CFTR: variants seen among roughly 807,000 people sequenced by gnomAD.
CFTR encodes the protein CF transmembrane conductance regulator.
A neutral mutation model predicts 171.6 loss-of-function variants in CFTR; 181 were observed. The ratio of observed to expected loss-of-function variants is 1.05; its 90% confidence interval spans 0.93 to 1.19. CFTR has a LOEUF of 1.19. Among genes scored for constraint, CFTR ranks in the 50% most tolerant of loss-of-function variants. CFTR has a pLI of 0.00. For synonymous variants in CFTR, 583 were observed against 608.0 expected (o/e 0.96, Z 0.60); for missense variants, 1,968 against 1,734.7 (o/e 1.13, Z -2.39).
chr7:117,481,130 C>G (rs539635241), intron 1 of CFTR, among the ~76,000 whole-genome samples: 1 of 152,330 alleles, frequency 6.6e-6, no homozygotes, highest in African/African-American at 2.4e-5. Flanking sequence ...TTTCACATCT[C>G]TCTTATGTTT....
chr7:117,611,561 T>C lies in CFTR; in HGVS notation c.3140-20T>C, dbSNP rs761479822. 1.4e-6 allele frequency: 2 copies of C among 1,395,262 alleles called. No individual in the cohort carries two copies. Among genetic ancestry groups the C allele is most frequent in the East Asian group, 2.3e-5 (1 of 43,752 alleles). The allele number at this position is 1,395,262 out of a possible 1,614,324, so 86.4% of individuals were successfully genotyped here. A position where few individuals can be genotyped will look rare whatever the true frequency, so the allele number is the denominator to read the frequency against. ...TGTGTTTATGTTATTTGCAATGTTT[T>C]CTATGGAAATATTTCACAGGCAGGA... is the stretch of plus-strand genomic sequence containing the variant. On this transcript the variant is annotated intron_variant, in intron 19 of 26. Transcript: ENST00000003084.
intron 22 of CFTR, among the ~76,000 whole-genome samples, chr7:117,636,335 C>T (rs903190592): frequency 1.3e-5 from 2 of 151,916 alleles, no homozygotes; most frequent in African/African-American, 2.4e-5. Context: ...CATGATATGC[C>T]TTTCTTTTTG....
At chr7:117,484,384 G>A (rs989317223) in intron 1 of CFTR, among the ~76,000 whole-genome samples, 1 of 152,162 alleles carries the variant, frequency 6.6e-6, no homozygotes, top group Admixed American at 6.5e-5. Context: ...CATCAATGAG[G>A]ACAGCCCAGG....
chr7:117,529,932 A>G (rs1056767692), intron 3 of CFTR, among the ~76,000 whole-genome samples: 1 of 152,156 alleles, frequency 6.6e-6, no homozygotes, highest in Non-Finnish European at 1.5e-5. Flanking sequence ...AAATCGTTAT[A>G]AAACAAAATG....
At chr7:117,503,334 T>G (rs1361375511) in intron 1 of CFTR, among the ~76,000 whole-genome samples, 1 of 152,210 alleles carries the variant, frequency 6.6e-6, no homozygotes, top group East Asian at 1.9e-4. Flanking sequence ...TAAATCCCAG[T>G]TCAATTCCTT....
intron 1 of CFTR, among the ~76,000 whole-genome samples, chr7:117,492,139 C>T (rs961541503): frequency 6.6e-6 from 1 of 151,704 alleles, no homozygotes; most frequent in African/African-American, 2.4e-5. Flanking sequence ...AGGATGAAGG[C>T]CAAACTTAGG....
intron 11 of CFTR, among the ~76,000 whole-genome samples, chr7:117,561,329 C>T (rs998348816): frequency 2.6e-5 from 4 of 151,610 alleles, no homozygotes; most frequent in African/African-American, 7.3e-5. Context: ...TCTGATTGCA[C>T]GGGCAGCCTT....
chr7:117,652,950 A>T lies in CFTR; in HGVS notation c.3963+19A>T. The T allele has an allele frequency of 6.8e-7, 1 of 1,479,120 alleles. No individual in the cohort carries two copies. The highest frequency in any genetic ancestry group is 1.1e-5 in the South Asian group (1 of 88,414). 91.6% of individuals were successfully genotyped at this position (1,479,120 alleles called of 1,614,324 possible). ...AGATGAGGTAAGGCTGCTAACTGAA[A>T]TGATTTTGAAAGGGGTAACTCATAC... On this transcript the variant is annotated intron_variant, in intron 24 of 26. Transcript: ENST00000003084.
intron 24 of CFTR, among the ~76,000 whole-genome samples, chr7:117,661,858 A>G (rs1793292472): frequency 1.3e-5 from 2 of 152,100 alleles, no homozygotes; most frequent in African/African-American, 2.4e-5. Flanking sequence ...GAGATAAATG[A>G]GACTTAAAAT....
intron 21 of CFTR, among the ~76,000 whole-genome samples, chr7:117,623,148 G>A (rs1443220549): frequency 2.0e-5 from 3 of 152,134 alleles, no homozygotes; most frequent in South Asian, 2.1e-4. Context: ...ATATACAGAG[G>A]TCTGCACAAC....
chr7:117,610,711 A>C, intron 19 of CFTR, 42 bp downstream of exon 19: 13 of 1,605,022 alleles, frequency 8.1e-6, no homozygotes, highest in Non-Finnish European at 1.1e-5. Context: ...TAAAAAAGCT[A>C]TAAGAGCTAT....
Position 117,480,079 on chromosome 7 carries a change from C to A in CFTR, c.-16C>A. On this transcript the variant is annotated 5_prime_UTR_variant, in exon 1 of 27. Coordinates refer to ENST00000003084, the MANE Select transcript of CFTR (RefSeq NM_000492.4). ...GCCCAGACGGCCCTAGCAGGGACCC[C>A]AGCGCCCGAGAGACCATGCAGAGGT... 1 of 1,613,794 alleles carries A rather than the reference C, an allele frequency of 6.2e-7. No homozygotes were observed. The highest frequency in any genetic ancestry group is 8.5e-7 in the Non-Finnish European group (1 of 1,179,886).
intron 10 of CFTR, among the ~76,000 whole-genome samples, chr7:117,558,498 G>A (rs1799398404): frequency 2.6e-5 from 4 of 151,842 alleles, no homozygotes; most frequent in Admixed American, 1.3e-4. Context: ...AACTTGCAGT[G>A]AGCCGAGATC....
intron 18 of CFTR, 71 bp from the exon 19 acceptor site, chr7:117,610,448 C>A: frequency 1.3e-5 from 16 of 1,238,142 alleles, no homozygotes; most frequent in Middle Eastern, 2.0e-4. Context: ...AGAAATAAAT[C>A]ACTGACACAC....
At chr7:117,556,388 A>T (rs920539411) in intron 10 of CFTR, among the ~76,000 whole-genome samples, 2 of 152,012 alleles carry the variant, frequency 1.3e-5, no homozygotes, top group African/African-American at 4.8e-5. Context: ...ACCCAATAAA[A>T]AAAATTTGGA....
chr7:117,504,126 C>T, intron 1 of CFTR, 127 bp from the exon 2 acceptor site: 1 of 704,604 alleles, frequency 1.4e-6, no homozygotes, highest in Non-Finnish European at 2.6e-6. Flanking sequence ...TAGAAATTGA[C>T]TTATTTTATT....
chr7:117,587,851 G>T lies in CFTR; in HGVS notation c.1679+18G>T, dbSNP rs369294289. The T allele has an allele frequency of 7.1e-7, 1 of 1,401,340 alleles. No homozygotes were observed. Among genetic ancestry groups the T allele is most frequent in the Admixed American group, 1.7e-5 (1 of 59,544 alleles). 86.8% of individuals were successfully genotyped at this position (1,401,340 alleles called of 1,614,324 possible). ...TTAGCAAGGTGAATAACTAATTATT[G>T]GTCTAGCAAGCATTTGCTGTAAATG... On this transcript the variant is annotated intron_variant, in intron 12 of 26. Coordinates refer to ENST00000003084, the MANE Select transcript of CFTR (RefSeq NM_000492.4).
At position 117,649,497 on chromosome 7, in the gene CFTR, GTATATATA is replaced by G. The variant is rs755073383; in HGVS notation, c.3874-3329_3874-3322del. 2.2e-5 allele frequency among the ~76,000 whole-genome samples: 3 copies of G among 139,370 alleles called. No homozygotes were observed. In the Admixed American group the frequency reaches 2.2e-4, roughly 10 times the overall value. The allele number at this position is 139,370 out of a possible 152,430, so 91.4% of individuals were successfully genotyped here. A position where few individuals can be genotyped will look rare whatever the true frequency, so the allele number is the denominator to read the frequency against. ...ACATATATATATAGTGTGTGTGTGT[GTATATATA>G]TATATATATATATATTTTTTTTTTC... On this transcript the variant is annotated intron_variant, in intron 23 of 26. Transcript: ENST00000003084.
intron 2 of CFTR, among the ~76,000 whole-genome samples, chr7:117,507,830 C>T (rs988095550): frequency 3.3e-5 from 5 of 152,282 alleles, no homozygotes; most frequent in African/African-American, 9.6e-5. Flanking sequence ...CTCGCTGTGT[C>T]ACCCAGGCTG....
Sources: gnomAD v4.1 joint callset for allele counts (sites outside exome capture counted in the v4.1 genomes callset) on GRCh38, gnomAD v4.1.1 for gene constraint, MANE v1.5 for transcripts, NCBI Gene and HGNC (gene_info 2026-07-23, HGNC 2026-07-21) for gene names.